Variants in NTM observed in about 807,000 individuals in gnomAD.
NTM encodes IgLON family member 2.
In NTM, 13 loss-of-function variants were observed where a neutral mutation model predicts 42.1. The observed-to-expected ratio is 0.31, with a 90% CI of 0.20 to 0.49. NTM has a LOEUF of 0.49. Among genes scored for constraint, NTM ranks in the 20% least tolerant of loss-of-function variants. The pLI is 0.99. For synonymous variants in NTM, 187 were observed against 179.2 expected (o/e 1.04, Z -0.35); for missense variants, 373 against 452.8 (o/e 0.82, Z 1.60).
chr11:132,242,753 A>C (rs1319303813), intron 4 of NTM, among the ~76,000 whole-genome samples: 1 of 152,206 alleles, frequency 6.6e-6, no homozygotes, highest in Non-Finnish European at 1.5e-5. Context: ...ACTTTGGCCG[A>C]ACTTTGCCAA....
chr11:132,014,695 G>A (rs1276836059), intron 2 of NTM, among the ~76,000 whole-genome samples: 4 of 127,952 alleles, frequency 3.1e-5, no homozygotes, highest in African/African-American at 8.9e-5. Flanking sequence ...TTTGAGAAAT[G>A]TCTATTCAGA....
intron 1 of NTM, among the ~76,000 whole-genome samples, chr11:131,443,593 G>A (rs1039342819): frequency 2.0e-5 from 3 of 152,074 alleles, no homozygotes; most frequent in Non-Finnish European, 4.4e-5. Context: ...AGTCCCCAGT[G>A]GTCCCCATTG....
chr11:132,001,660 C>G (rs898319890), intron 2 of NTM, among the ~76,000 whole-genome samples: 1 of 152,062 alleles, frequency 6.6e-6, no homozygotes, highest in South Asian at 2.1e-4. Flanking sequence ...GGGATCTCCC[C>G]CCATTACCCA....
At chr11:131,459,453 T>C (rs935846663) in intron 1 of NTM, among the ~76,000 whole-genome samples, 6 of 152,208 alleles carry the variant, frequency 3.9e-5, no homozygotes, top group Non-Finnish European at 7.3e-5. Flanking sequence ...TTATTATGAA[T>C]GTTCAGAATT....
At chr11:132,144,191 C>T (rs2069817348) in intron 2 of NTM, among the ~76,000 whole-genome samples, 1 of 152,188 alleles carries the variant, frequency 6.6e-6, no homozygotes, top group South Asian at 2.1e-4. Context: ...GCACAAAACT[C>T]ATGTCTAGAT....
At chr11:131,921,138 C>T (rs1304568142) in intron 2 of NTM, among the ~76,000 whole-genome samples, 2 of 152,150 alleles carry the variant, frequency 1.3e-5, no homozygotes, top group Non-Finnish European at 2.9e-5. Context: ...GTCCCATCTC[C>T]CCACCATAAA....
At chr11:131,823,816 G>A (rs901102325) in intron 1 of NTM, among the ~76,000 whole-genome samples, 3 of 152,168 alleles carry the variant, frequency 2.0e-5, no homozygotes, top group East Asian at 1.9e-4. Context: ...GGATTTCAAT[G>A]GCTAACCTCA....
chr11:131,803,011 C>G (rs527782712), intron 1 of NTM, among the ~76,000 whole-genome samples: 10 of 152,154 alleles, frequency 6.6e-5, no homozygotes, highest in Non-Finnish European at 1.0e-4. Context: ...CTATAGGCAT[C>G]AGCCAATAAT....
chr11:132,171,503 G>A (rs555499315), intron 3 of NTM, among the ~76,000 whole-genome samples: 1 of 152,036 alleles, frequency 6.6e-6, no homozygotes, highest in East Asian at 1.9e-4. Context: ...TTTTTATAAC[G>A]ACACTAATCC....
intron 1 of NTM, among the ~76,000 whole-genome samples, chr11:131,449,757 A>G (rs1247079098): frequency 6.6e-6 from 1 of 152,190 alleles, no homozygotes; most frequent in Non-Finnish European, 1.5e-5. Context: ...CTCCCCATGC[A>G]GGACTGGAGA....
chr11:132,212,152 G>A lies in NTM; in HGVS notation c.526+5G>A, dbSNP rs758448012. On this transcript the variant is annotated splice_donor_5th_base_variant and intron_variant, in intron 4 of 8. Transcript: ENST00000683400. Reference sequence around the variant, plus strand: ...GGAGACACATCTCTCCCAAAGGTAAGAGAACAGTTTGTTGCATTGCATCAT... The same window carrying A: ...GGAGACACATCTCTCCCAAAGGTAAAAGAACAGTTTGTTGCATTGCATCAT... 6.2e-7 allele frequency: 1 copy of A among 1,609,150 alleles called. No individual in the cohort carries two copies. The highest frequency in any genetic ancestry group is 8.5e-7 in the Non-Finnish European group (1 of 1,178,532).
At chr11:131,964,155 A>G (rs927697106) in intron 2 of NTM, among the ~76,000 whole-genome samples, 2 of 152,192 alleles carry the variant, frequency 1.3e-5, no homozygotes, top group African/African-American at 4.8e-5. Context: ...GGGTGAGTGG[A>G]CATTAACCAA....
chr11:131,461,949 T>C (rs6590578), intron 1 of NTM, among the ~76,000 whole-genome samples: 11,170 of 152,246 alleles, frequency 0.073, 985 homozygotes, highest in East Asian at 0.21. Context: ...AACATAGGTT[T>C]ATGCACACAC....
chr11:131,731,361 AG>A (rs1385484454), intron 1 of NTM, among the ~76,000 whole-genome samples: 2 of 149,444 alleles, frequency 1.3e-5, no homozygotes, highest in African/African-American at 4.8e-5. Flanking sequence ...CTCCTTGGGC[AG>A]GTCAACACTT....
chr11:131,640,254 G>C lies in NTM; in HGVS notation c.82+269366G>C, dbSNP rs1176392341. On this transcript the variant is annotated intron_variant, in intron 1 of 8. Transcript: ENST00000683400. ...GAGGAAACAGTACTTCCTGATGCTGGAAGGATAAATATGTGCAACCTGTTC... is the reference window on the plus strand; with the variant it reads ...GAGGAAACAGTACTTCCTGATGCTGCAAGGATAAATATGTGCAACCTGTTC... 2.0e-5 allele frequency among the ~76,000 whole-genome samples: 3 copies of C among 152,172 alleles called. No homozygotes were observed. The South Asian group carries it at 6.2e-4, about 32-fold the overall frequency.
chr11:132,242,117 G>A (rs1251646226), intron 4 of NTM, among the ~76,000 whole-genome samples: 2 of 152,130 alleles, frequency 1.3e-5, no homozygotes, highest in Non-Finnish European at 2.9e-5. Flanking sequence ...TCAGCTAATC[G>A]GAAGAATTCA....
At chr11:131,499,297 G>A (rs2046432300) in intron 1 of NTM, among the ~76,000 whole-genome samples, 1 of 152,114 alleles carries the variant, frequency 6.6e-6, no homozygotes, top group Non-Finnish European at 1.5e-5. Context: ...GGTACTCATT[G>A]GCTCAGAGCC....
At chr11:132,186,303 G>T (rs1408073142) in intron 3 of NTM, among the ~76,000 whole-genome samples, 1 of 152,142 alleles carries the variant, frequency 6.6e-6, no homozygotes, top group Admixed American at 6.5e-5. Context: ...CAACAAAATG[G>T]TTGGGAGACA....
At position 131,529,239 on chromosome 11, in the gene NTM, A is replaced by G. The variant is rs1010172175; in HGVS notation, c.82+158351A>G. ...CATCTGCCCATAAGGGCTGGTCCCC[A>G]GATAGAAAGGGTATTTACGAAGCTC... On this transcript the variant is annotated intron_variant, in intron 1 of 8. Coordinates refer to ENST00000683400, the MANE Select transcript of NTM (RefSeq NM_001352005.2). Among the ~76,000 whole-genome samples, 3 of 152,270 alleles carry G rather than the reference A, an allele frequency of 2.0e-5. No homozygotes were observed. In the South Asian group the frequency reaches 6.2e-4, roughly 31 times the overall value.
Sources: gnomAD v4.1 joint callset for allele counts (sites outside exome capture counted in the v4.1 genomes callset) on GRCh38, gnomAD v4.1.1 for gene constraint, MANE v1.5 for transcripts, NCBI Gene and HGNC (gene_info 2026-07-23, HGNC 2026-07-21) for gene names.